Variants in TULP4 observed in about 807,000 individuals in gnomAD.
TULP4 encodes the protein TUB like protein 4, also known as tubby-related protein 4.
In TULP4, 16 loss-of-function variants were observed where a neutral mutation model predicts 129.0. The observed-to-expected ratio is 0.12, with a 90% confidence interval of 0.08 to 0.19. The LOEUF (loss-of-function observed/expected upper bound fraction) is 0.19. TULP4 is among the 10% of genes least tolerant of loss of function. The pLI is 1.00. For synonymous variants in TULP4, 998 were observed against 854.0 expected (o/e 1.17, Z -2.94); for missense variants, 1,842 against 2,059.1 (o/e 0.89, Z 2.04).
At chr6:158,304,128 G>T (rs1006509697) in intron 1 of TULP4, among the ~76,000 whole-genome samples, 31 of 152,236 alleles carry the variant, frequency 2.0e-4, no homozygotes, top group Non-Finnish European at 2.5e-4. Flanking sequence ...GTTTAATGAA[G>T]ATTTATTGGT....
Position 158,395,960 on chromosome 6 carries a change from C to T in TULP4, c.253-17105C>T, listed in dbSNP as rs958848793. 3.9e-5 allele frequency among the ~76,000 whole-genome samples: 6 copies of T among 152,096 alleles called. No homozygotes were observed. In the East Asian group the frequency reaches 5.8e-4, roughly 15 times the overall value. On this transcript the variant is annotated intron_variant, in intron 1 of 13. Coordinates refer to ENST00000367097, the MANE Select transcript of TULP4 (RefSeq NM_020245.5). ...CTAGAGTTAATATGAAATACGATGT[C>T]GAGTGAGTTAGTGTAATGCTAAGGG...
chr6:158,450,954 A>C (rs900360330), intron 4 of TULP4, among the ~76,000 whole-genome samples: 1 of 151,958 alleles, frequency 6.6e-6, no homozygotes, highest in Non-Finnish European at 1.5e-5. Flanking sequence ...AATCCCAGCT[A>C]CTCCGGAGGC....
intron 3 of TULP4, among the ~76,000 whole-genome samples, chr6:158,447,475 A>G (rs1475398673): frequency 6.6e-6 from 1 of 152,236 alleles, no homozygotes; most frequent in Non-Finnish European, 1.5e-5. Context: ...TATTTGATGA[A>G]CAATTTATTC....
chr6:158,438,439 C>T (rs1210352298), intron 3 of TULP4, among the ~76,000 whole-genome samples: 3 of 152,208 alleles, frequency 2.0e-5, no homozygotes, highest in African/African-American at 4.8e-5. Context: ...AGCGCACCTG[C>T]AGCACCGGAG....
At chr6:158,332,796 G>A (rs573335301) in intron 1 of TULP4, among the ~76,000 whole-genome samples, 1 of 152,228 alleles carries the variant, frequency 6.6e-6, no homozygotes, top group South Asian at 2.1e-4. Context: ...ATCTTGTGGT[G>A]TCCCTCTAGT....
upstream of TULP4, among the ~76,000 whole-genome samples, chr6:158,280,508 T>C (rs1044083021): frequency 6.6e-6 from 1 of 152,254 alleles, no homozygotes; most frequent in African/African-American, 2.4e-5. Flanking sequence ...AATTAACAAG[T>C]GCCTCATGCC....
chr6:158,337,396 G>C (rs531933813), intron 1 of TULP4, among the ~76,000 whole-genome samples: 2 of 152,154 alleles, frequency 1.3e-5, no homozygotes, highest in East Asian at 3.9e-4. Flanking sequence ...CTCTCAAAGT[G>C]CTGGGATTAC....
Position 158,503,404 on chromosome 6 carries a change from CAGCACG to C in TULP4, c.3742_3747del (p.Ser1248_Thr1249del), listed in dbSNP as rs750449104. ...CCCTGCCCCCCATGTACCCAGGAAG[CAGCACG>C]TGCTCTAGTTTACAGCTGCCACCTG... On this transcript the variant is annotated inframe_deletion, in exon 13 of 14. Coordinates refer to ENST00000367097, the MANE Select transcript of TULP4 (RefSeq NM_020245.5). The surrounding 1 kb of genome is among the most constrained non-coding windows in gnomAD (Gnocchi z 4.3). 6.2e-7 allele frequency: 1 copy of C among 1,613,988 alleles called. No individual in the cohort carries two copies. The highest frequency in any genetic ancestry group is 1.1e-5 in the South Asian group (1 of 91,086).
At chr6:158,346,169 A>G (rs181072213) in intron 1 of TULP4, among the ~76,000 whole-genome samples, 1 of 151,478 alleles carries the variant, frequency 6.6e-6, no homozygotes, top group Admixed American at 6.5e-5. Context: ...GTTCAAACAC[A>G]TATGTTTTAC....
At chr6:158,321,011 C>T (rs9457344) in intron 1 of TULP4, among the ~76,000 whole-genome samples, 26,292 of 151,948 alleles carry the variant, frequency 0.17, 2,696 homozygotes, top group Middle Eastern at 0.25. Context: ...TTAACTTCCT[C>T]ACCTCTCATT....
chr6:158,378,058 C>G (rs796703886), intron 1 of TULP4, among the ~76,000 whole-genome samples: 11 of 152,302 alleles, frequency 7.2e-5, no homozygotes, highest in African/African-American at 2.6e-4. Context: ...ACATGTCTCT[C>G]TTTGTCCAGT....
rs765959064 is a variant in TULP4, at chr6:158,498,820, C to A, written c.2014+8C>A. 2 of 1,613,692 alleles carry A rather than the reference C, an allele frequency of 1.2e-6. No homozygotes were observed. The highest frequency in any genetic ancestry group is 2.2e-5 in the South Asian group (2 of 91,002). On this transcript the variant is annotated splice_region_variant and intron_variant, in intron 12 of 13. Coordinates refer to ENST00000367097, the MANE Select transcript of TULP4 (RefSeq NM_020245.5). ...ATGAAGATGATTTACCAGGTGTGTT[C>A]ACATACATCAACGTGTTTGTCACGG...
At chr6:158,359,247 GA>G (rs200467143) in intron 1 of TULP4, among the ~76,000 whole-genome samples, 5 of 150,520 alleles carry the variant, frequency 3.3e-5, no homozygotes, top group African/African-American at 4.9e-5. Context: ...CTTTTGAAAG[GA>G]AAAAAAAATC....
rs752518412 is a variant in TULP4, at chr6:158,506,627, A to G, written c.4565A>G (p.Gln1522Arg). ...IDGSAYILDF[Q>R]YPFSAVQAFA... is the part of the protein sequence containing the mutation. ...GGCAGTGCGTACATTCTAGACTTCC[A>G]GTATCCGTTCTCAGCCGTGCAGGCC... The change falls in exon 14 of 14, where the codon CAG becomes CGG. Residue 1522 changes from glutamine to arginine, a missense_variant. Physicochemically the swap from Gln to Arg is conservative, Grantham distance 43. Transcript: ENST00000367097. 1 of 1,614,132 alleles carries G rather than the reference A, an allele frequency of 6.2e-7. No individual in the cohort carries two copies. The highest frequency in any genetic ancestry group is 2.2e-5 in the East Asian group (1 of 44,890).
intron 1 of TULP4, among the ~76,000 whole-genome samples, chr6:158,381,109 G>A (rs1777314292): frequency 6.6e-6 from 1 of 151,332 alleles, no homozygotes; most frequent in Non-Finnish European, 1.5e-5. Context: ...TCTGATTCTT[G>A]GTGATTTTGG....
chr6:158,378,467 T>TTTTTTG lies in TULP4; in HGVS notation c.253-34593_253-34592insGTTTTT, dbSNP rs1413483950. 9.6e-5 allele frequency among the ~76,000 whole-genome samples: 7 copies of TTTTTTG among 72,972 alleles called. 1 individual carries two copies. The highest frequency in any genetic ancestry group is 1.8e-4 in the Non-Finnish European group (5 of 28,028). The allele number at this position is 72,972 out of a possible 152,430, so 47.9% of individuals were successfully genotyped here. The stretch of plus-strand genomic sequence containing the variant: ...GCAGTTAGGATGGGGGAGCCAGTTT[T>TTTTTTG]TTTTTTTTTTTTTTTTTTGGTGGGG... On this transcript the variant is annotated intron_variant, in intron 1 of 13. Transcript: ENST00000367097.
At chr6:158,344,595 CTG>C (rs1371664239) in intron 1 of TULP4, among the ~76,000 whole-genome samples, 4 of 152,146 alleles carry the variant, frequency 2.6e-5, no homozygotes, top group South Asian at 2.1e-4. Flanking sequence ...GTGACACAAA[CTG>C]TGTGCATATA....
chr6:158,268,609 A>G (rs1190051888), intron 1 of TULP4, among the ~76,000 whole-genome samples: 3 of 152,100 alleles, frequency 2.0e-5, no homozygotes, highest in African/African-American at 7.2e-5. Flanking sequence ...TCGTAATGCT[A>G]TTACATTTGG....
chr6:158,273,894 A>G (rs1249680211), intron 1 of TULP4, among the ~76,000 whole-genome samples: 1 of 152,202 alleles, frequency 6.6e-6, no homozygotes, highest in Non-Finnish European at 1.5e-5. Context: ...TACTGTTATT[A>G]TCTCTAATTG....
Sources: allele counts gnomAD v4.1 joint callset (sites outside exome capture counted in the v4.1 genomes callset), GRCh38; gene constraint gnomAD v4.1.1; non-coding constraint Gnocchi (gnomAD v3.1); transcripts MANE v1.5; gene names NCBI Gene and HGNC (gene_info 2026-07-23, HGNC 2026-07-21).